SLC12A2: variants seen among roughly 807,000 people sequenced by gnomAD.
SLC12A2 encodes the protein Na-K-2Cl cotransporter 1.
In SLC12A2, 67 loss-of-function variants were observed where a neutral mutation model predicts 136.3. The ratio of observed to expected loss-of-function variants is 0.49; its 90% CI spans 0.40 to 0.60. The LOEUF (loss-of-function observed/expected upper bound fraction) is 0.60. Among genes scored for constraint, SLC12A2 ranks in the 20% least tolerant of loss-of-function variants. SLC12A2 has a pLI of 0.00. For synonymous variants in SLC12A2, 619 were observed against 562.9 expected (o/e 1.10, Z -1.41); for missense variants, 1,322 against 1,534.7 (o/e 0.86, Z 2.32).
intron 11 of SLC12A2, 22 bp from the exon 12 acceptor site, chr5:128,148,732 T>C: frequency 6.4e-7 from 1 of 1,557,190 alleles, no homozygotes; most frequent in Admixed American, 2.1e-5. Flanking sequence ...ATATGTTTCA[T>C]TTTAATGTTT....
In SLC12A2 at chr5:128,146,253, G is replaced by A. The variant is rs541815678; in HGVS notation, c.1774-1369G>A. Reference sequence around the variant, plus strand: ...CCTACTTAAGAAATTAAACACTGATGAAATACTGTTATTTAAATATACATC... The same window carrying A: ...CCTACTTAAGAAATTAAACACTGATAAAATACTGTTATTTAAATATACATC... On this transcript the variant is annotated intron_variant, in intron 10 of 26. Transcript: ENST00000262461. Among the ~76,000 whole-genome samples the A allele has an allele frequency of 2.0e-5, 3 of 151,912 alleles. No homozygotes were observed. The East Asian group carries it at 5.8e-4, about 29-fold the overall frequency.
At chr5:128,099,168 T>G (rs1317300880) in intron 1 of SLC12A2, among the ~76,000 whole-genome samples, 2 of 152,204 alleles carry the variant, frequency 1.3e-5, no homozygotes, top group Non-Finnish European at 2.9e-5. Flanking sequence ...TTTGTCATTT[T>G]GCATAATGAT....
chr5:128,148,703 A>G (rs757836228), intron 11 of SLC12A2, 51 bp from the exon 12 acceptor site: 22 of 1,471,952 alleles, frequency 1.5e-5, no homozygotes, highest in Non-Finnish European at 2.0e-5. Flanking sequence ...CTATCAGCAA[A>G]TCTGCATGTC....
chr5:128,087,090 T>C (rs910996444), intron 1 of SLC12A2, among the ~76,000 whole-genome samples: 7 of 152,350 alleles, frequency 4.6e-5, no homozygotes, highest in African/African-American at 1.7e-4. Context: ...CTGGATTGTC[T>C]TCCCTCCAGT....
At chr5:128,114,157 A>G in intron 2 of SLC12A2, 55 bp from the exon 3 acceptor site, 1 of 1,260,844 alleles carries the variant, frequency 7.9e-7, no homozygotes, top group Non-Finnish European at 1.2e-6. Context: ...TGCTTACTAT[A>G]TAATGTTTGA....
At position 128,179,828 on chromosome 5, in the gene SLC12A2, G is replaced by A. The variant is rs967706239; in HGVS notation, c.3101-1055G>A. Among the ~76,000 whole-genome samples, 9 of 151,748 alleles carry A rather than the reference G, an allele frequency of 5.9e-5. No homozygotes were observed. The South Asian group carries it at 8.3e-4, about 14-fold the overall frequency. On this transcript the variant is annotated intron_variant, in intron 22 of 26. Coordinates refer to ENST00000262461, the MANE Select transcript of SLC12A2 (RefSeq NM_001046.3). ...GAGATTTGGGTAGGGGCTGATATCC[G>A]AACTATTCCAGGATATAATTTGTTA...
chr5:128,140,264 G>T (rs1762320174), intron 9 of SLC12A2, among the ~76,000 whole-genome samples: 1 of 152,170 alleles, frequency 6.6e-6, no homozygotes, highest in Non-Finnish European at 1.5e-5. Flanking sequence ...CTCCCCAAGT[G>T]CTGGGATTAC....
At chr5:128,142,836 G>A (rs956505326) in intron 10 of SLC12A2, among the ~76,000 whole-genome samples, 4 of 151,960 alleles carry the variant, frequency 2.6e-5, no homozygotes, top group Non-Finnish European at 5.9e-5. Flanking sequence ...ATAACCTTAT[G>A]TGTGTGTGTG....
chr5:128,084,668 G>A lies in SLC12A2; in HGVS notation c.714G>A (p.Leu238=), dbSNP rs1190922369. The change falls in exon 1 of 27, where the codon CTG becomes CTA. Residue 238 remains leucine (L), a synonymous_variant. Transcript: ENST00000262461. This position sits in a 1 kb window ranked among gnomAD's most constrained non-coding sequence, Gnocchi z 5.6. The part of the protein sequence containing the change: ...RHTAAQLGEK[L]LRPSLAELHD... ...CAGCCGCGCAGCTGGGCGAGAAGCTGCTCCGGCCTAGCCTGGCGGAGCTCC... is the reference window on the plus strand; with the variant it reads ...CAGCCGCGCAGCTGGGCGAGAAGCTACTCCGGCCTAGCCTGGCGGAGCTCC... 1 of 1,611,746 alleles carries A rather than the reference G, an allele frequency of 6.2e-7. No individual in the cohort carries two copies. Among genetic ancestry groups the A allele is most frequent in the South Asian group, 1.1e-5 (1 of 90,746 alleles).
In SLC12A2 at chr5:128,117,854, A is replaced by G. The variant is rs547155294; in HGVS notation, c.1048+3173A>G. On this transcript the variant is annotated intron_variant, in intron 4 of 26. Coordinates refer to ENST00000262461, the MANE Select transcript of SLC12A2 (RefSeq NM_001046.3). ...AAGGACTAATAATGCAAAATCTGCA[A>G]GGAACTCAAATCAGCAAGAAAATAT... Among the ~76,000 whole-genome samples the G allele has an allele frequency of 2.6e-5, 4 of 152,300 alleles. No individual in the cohort carries two copies. The South Asian group carries it at 6.2e-4, about 24-fold the overall frequency.
intron 4 of SLC12A2, 132 bp downstream of exon 4, chr5:128,114,813 C>A: frequency 1.7e-6 from 1 of 592,606 alleles, no homozygotes; most frequent in Non-Finnish European, 2.9e-6. Context: ...AAGTTGCTAC[C>A]GAGCACTTCC....
In SLC12A2 at chr5:128,186,712, C is replaced by T; in HGVS notation, c.*81C>T. ...ACTGAAATCTTCAATGACACATTAA[C>T]ATCACAATGGCGAATGGTGACTTTT... On this transcript the variant is annotated 3_prime_UTR_variant, in exon 27 of 27. Coordinates refer to ENST00000262461, the MANE Select transcript of SLC12A2 (RefSeq NM_001046.3). 1 of 1,376,650 alleles carries T rather than the reference C, an allele frequency of 7.3e-7. No individual in the cohort carries two copies. Among genetic ancestry groups the T allele is most frequent in the Non-Finnish European group, 1.0e-6 (1 of 988,148 alleles). The allele number at this position is 1,376,650 out of a possible 1,614,324, so 85.3% of individuals were successfully genotyped here.
chr5:128,096,808 TAAC>T (rs1194897198), intron 1 of SLC12A2, among the ~76,000 whole-genome samples: 1 of 151,980 alleles, frequency 6.6e-6, no homozygotes, highest in Non-Finnish European at 1.5e-5. Flanking sequence ...TTAAGCAAAA[TAAC>T]AGCAATAACA....
chr5:128,110,721 G>A, intron 1 of SLC12A2: 2 of 1,451,980 alleles, frequency 1.4e-6, no homozygotes, highest in Non-Finnish European at 1.9e-6. Context: ...ACATTCCAGT[G>A]AAGAGCAACC....
intron 1 of SLC12A2, among the ~76,000 whole-genome samples, chr5:128,088,967 G>A (rs1441613582): frequency 1.3e-5 from 2 of 152,034 alleles, no homozygotes; most frequent in Admixed American, 6.6e-5. Flanking sequence ...TCAGAAGTTC[G>A]AGACCAGCCT....
At chr5:128,129,010 T>C (rs2126694039) in intron 4 of SLC12A2, among the ~76,000 whole-genome samples, 1 of 152,084 alleles carries the variant, frequency 6.6e-6, no homozygotes, top group South Asian at 2.1e-4. Flanking sequence ...TGAAAGACTT[T>C]TAAATCTTTT....
intron 4 of SLC12A2, among the ~76,000 whole-genome samples, chr5:128,120,564 A>G (rs1301091792): frequency 6.6e-6 from 1 of 151,308 alleles, no homozygotes; most frequent in Non-Finnish European, 1.5e-5. Flanking sequence ...TTGTAGAGAC[A>G]TGGATGAAAT....
In SLC12A2 at chr5:128,083,985, G is replaced by T; in HGVS notation, c.31G>T (p.Gly11Cys). 1 of 1,242,438 alleles carries T rather than the reference G, an allele frequency of 8.0e-7. No homozygotes were observed. Among genetic ancestry groups the T allele is most frequent in the Non-Finnish European group, 1.0e-6 (1 of 993,676 alleles). The allele number at this position is 1,242,438 out of a possible 1,614,324, so 77.0% of individuals were successfully genotyped here. Reference sequence around the variant, plus strand: ...GCCGCGGCCCACGGCGCCCTCCTCCGGCGCCCCGGGACTGGCCGGGGTCGG... The same window carrying T: ...GCCGCGGCCCACGGCGCCCTCCTCCTGCGCCCCGGGACTGGCCGGGGTCGG... The part of the protein sequence containing the change: MEPRPTAPSS[G>C]APGLAGVGET... Residue 11 changes from glycine to cysteine, a missense_variant, in exon 1 of 27, where the codon GGC becomes TGC. Transcript: ENST00000262461.
At chr5:128,141,724 T>TA in intron 9 of SLC12A2, 106 bp from the exon 10 acceptor site, 1 of 805,164 alleles carries the variant, frequency 1.2e-6, no homozygotes, top group Non-Finnish European at 1.8e-6. Flanking sequence ...AGGGAGTAGA[T>TA]ATGTAGTCAC....
Sources: gnomAD v4.1 joint callset for allele counts (sites outside exome capture counted in the v4.1 genomes callset) on GRCh38, gnomAD v4.1.1 for gene constraint, Gnocchi (gnomAD v3.1) non-coding constraint, MANE v1.5 for transcripts, NCBI Gene and HGNC (gene_info 2026-07-23, HGNC 2026-07-21) for gene names.